YBX1: variants seen among roughly 807,000 people sequenced by gnomAD.
YBX1 encodes the protein Y-box-binding protein 1.
In YBX1, 3 loss-of-function variants were observed where a neutral mutation model predicts 41.4. The observed-to-expected ratio is 0.07, with a 90% confidence interval of 0.03 to 0.19. The LOEUF (loss-of-function observed/expected upper bound fraction) is 0.19, where lower values mean the gene tolerates loss of function less well. YBX1 is among the 10% of genes least tolerant of loss of function. YBX1 has a pLI of 1.00. For missense variants in YBX1, 274 were observed against 462.8 expected (o/e 0.59, Z 3.74); for synonymous variants, 133 against 165.8 (o/e 0.80, Z 1.52).
intron 2 of YBX1, among the ~76,000 whole-genome samples, chr1:42,685,238 T>A (rs1650165193): frequency 6.6e-6 from 1 of 152,258 alleles, no homozygotes; most frequent in African/African-American, 2.4e-5. Context: ...TTTAAGTATT[T>A]AGTCCATGAG....
intron 6 of YBX1, among the ~76,000 whole-genome samples, chr1:42,698,264 A>G (rs548539208): frequency 6.6e-6 from 1 of 152,332 alleles, no homozygotes; most frequent in East Asian, 1.9e-4. Context: ...GCACATGTAC[A>G]TTGAGAGTTT....
intron 7 of YBX1, among the ~76,000 whole-genome samples, chr1:42,701,355 CAG>C (rs1250989369): frequency 2.6e-5 from 4 of 152,020 alleles, no homozygotes; most frequent in Non-Finnish European, 5.9e-5. Context: ...CACTAGTAAA[CAG>C]AGGAAAGTTT....
At chr1:42,690,342 A>G (rs1033858083) in intron 2 of YBX1, among the ~76,000 whole-genome samples, 1 of 151,780 alleles carries the variant, frequency 6.6e-6, no homozygotes, top group Non-Finnish European at 1.5e-5. Context: ...CCATTTTCTT[A>G]ACAATAGAAA....
At chr1:42,701,067 A>G (rs758617802) in intron 7 of YBX1, 21 bp downstream of exon 7, 22 of 1,586,284 alleles carry the variant, frequency 1.4e-5, no homozygotes, top group East Asian at 2.2e-5. Context: ...TTGGATGGCC[A>G]TCCATTTATG....
At chr1:42,691,595 G>A (rs1036515540) in intron 2 of YBX1, among the ~76,000 whole-genome samples, 1 of 152,134 alleles carries the variant, frequency 6.6e-6, no homozygotes, top group Non-Finnish European at 1.5e-5. Flanking sequence ...ATAACAAACA[G>A]TCAGAGCCAC....
intron 3 of YBX1, among the ~76,000 whole-genome samples, chr1:42,695,468 A>G (rs895610931): frequency 1.3e-5 from 2 of 152,256 alleles, no homozygotes; most frequent in African/African-American, 2.4e-5. Flanking sequence ...GTCCTGTCTC[A>G]TAATGAGATT....
In YBX1 at chr1:42,701,554, G is replaced by A. The variant is rs114662877; in HGVS notation, c.*32-427G>A. On this transcript the variant is annotated intron_variant, in intron 7 of 7. Coordinates refer to ENST00000321358, the MANE Select transcript of YBX1 (RefSeq NM_004559.5). Reference sequence around the variant, plus strand: ...TTTTTTTTTTTTGTTGGTTTATGTTGTTCCCGGAAAAAGACGAGAGTGTTT... The same window carrying A: ...TTTTTTTTTTTTGTTGGTTTATGTTATTCCCGGAAAAAGACGAGAGTGTTT... 9.8e-3 allele frequency among the ~76,000 whole-genome samples: 1,428 copies of A among 145,930 alleles called. 9 individuals are homozygous for A. The highest frequency in any genetic ancestry group is 0.016 in the Non-Finnish European group (1,058 of 66,222).
intron 2 of YBX1, among the ~76,000 whole-genome samples, chr1:42,690,610 A>G (rs1374522871): frequency 1.3e-5 from 2 of 152,212 alleles, no homozygotes; most frequent in African/African-American, 2.4e-5. Flanking sequence ...GCCAAGAAGA[A>G]TAGAAAGAAA....
intron 2 of YBX1, among the ~76,000 whole-genome samples, chr1:42,692,869 G>T (rs1334011135): frequency 2.6e-5 from 4 of 152,220 alleles, no homozygotes; most frequent in Non-Finnish European, 4.4e-5. Flanking sequence ...CTCAAAAAGA[G>T]ATCTCAAATG....
chr1:42,698,822 TA>T (rs1650523499), intron 6 of YBX1, among the ~76,000 whole-genome samples: 6 of 152,198 alleles, frequency 3.9e-5, no homozygotes, highest in African/African-American at 1.2e-4. Flanking sequence ...AGAAGTAACA[TA>T]AAATTGCTTG....
chr1:42,683,064 C>T (rs1285225567), intron 1 of YBX1: 2 of 469,992 alleles, frequency 4.3e-6, no homozygotes, highest in Non-Finnish European at 8.1e-6. Context: ...GCGTCACCCC[C>T]ACCCAGCTCC....
chr1:42,688,004 A>T (rs990946092), intron 2 of YBX1, among the ~76,000 whole-genome samples: 1 of 152,188 alleles, frequency 6.6e-6, no homozygotes, highest in African/African-American at 2.4e-5. Context: ...TGCAGGAGAC[A>T]TTAGGAGAGA....
intron 6 of YBX1, among the ~76,000 whole-genome samples, chr1:42,700,577 C>T (rs1293074523): frequency 7.7e-5 from 11 of 142,488 alleles, no homozygotes. Flanking sequence ...TTAGTCTGGG[C>T]AACAAAGCAA....
At chr1:42,682,825 G>A in intron 1 of YBX1, 94 bp downstream of exon 1, 2 of 811,708 alleles carry the variant, frequency 2.5e-6, no homozygotes, top group Non-Finnish European at 3.2e-6. Flanking sequence ...CGCGCGGCCG[G>A]TGGGCACCGA....
At chr1:42,685,105 G>T (rs1304625417) in intron 2 of YBX1, among the ~76,000 whole-genome samples, 1 of 151,588 alleles carries the variant, frequency 6.6e-6, no homozygotes, top group East Asian at 1.9e-4. Flanking sequence ...TGCAGGTTTT[G>T]TATGTGTTGA....
At chr1:42,697,666 T>C (rs1650495169) in intron 6 of YBX1, among the ~76,000 whole-genome samples, 1 of 152,132 alleles carries the variant, frequency 6.6e-6, no homozygotes, top group South Asian at 2.1e-4. Context: ...AGTTTAGATA[T>C]GTACCCCCTT....
chr1:42,699,123 A>G (rs1424780292), intron 6 of YBX1, among the ~76,000 whole-genome samples: 1 of 152,208 alleles, frequency 6.6e-6, no homozygotes, highest in African/African-American at 2.4e-5. Flanking sequence ...GATGGCAGGA[A>G]AGTGACTGCT....
At chr1:42,692,449 G>GT (rs986315096) in intron 2 of YBX1, among the ~76,000 whole-genome samples, 2 of 151,964 alleles carry the variant, frequency 1.3e-5, no homozygotes, top group Non-Finnish European at 2.9e-5. Context: ...TACCTGTTCT[G>GT]TTTTTTTAAT....
intron 1 of YBX1, chr1:42,683,175 A>C: frequency 1.5e-6 from 1 of 661,020 alleles, no homozygotes; most frequent in South Asian, 1.6e-5. Flanking sequence ...GCACACACCC[A>C]TCCTGGGGCC....
Sources: allele counts gnomAD v4.1 joint callset (sites outside exome capture counted in the v4.1 genomes callset), GRCh38; gene constraint gnomAD v4.1.1; transcripts MANE v1.5; gene names NCBI Gene and HGNC (gene_info 2026-07-23, HGNC 2026-07-21).